ARHGAP15: variants seen among roughly 807,000 people sequenced by gnomAD.
ARHGAP15 encodes rho GTPase-activating protein 15.
Under a neutral mutation model 63.7 loss-of-function variants are expected in ARHGAP15, and 51 were observed. That is an observed-to-expected ratio of 0.80 (90% confidence interval 0.64 to 1.01). The LOEUF (loss-of-function observed/expected upper bound fraction) is 1.01, where lower values mean the gene tolerates loss of function less well. ARHGAP15 is among the 50% of genes least tolerant of loss of function. The pLI is 0.00. For missense variants in ARHGAP15, 560 were observed against 564.6 expected, an observed-to-expected ratio of 0.99 and a Z score of 0.08; for synonymous variants, 191 against 193.8, an observed-to-expected ratio of 0.99 and a Z score of 0.12.
intron 12 of ARHGAP15, among the ~76,000 whole-genome samples, chr2:143,682,501 T>C (rs1352926993): frequency 1.3e-5 from 2 of 151,884 alleles, no homozygotes; most frequent in African/African-American, 2.4e-5. Context: ...TATACACATA[T>C]GTATGTGTGT....
At chr2:143,554,830 G>C (rs1442762462) in intron 10 of ARHGAP15, among the ~76,000 whole-genome samples, 1 of 152,064 alleles carries the variant, frequency 6.6e-6, no homozygotes, top group East Asian at 1.9e-4. Flanking sequence ...AGTAGACTTA[G>C]ATTAATGGAG....
intron 6 of ARHGAP15, among the ~76,000 whole-genome samples, chr2:143,352,761 A>G (rs1685624808): frequency 6.6e-6 from 1 of 152,078 alleles, no homozygotes; most frequent in Admixed American, 6.5e-5. Flanking sequence ...AACATTTTAC[A>G]AATTATTTTG....
At chr2:143,745,869 G>A (rs1686143937) in intron 13 of ARHGAP15, among the ~76,000 whole-genome samples, 1 of 152,192 alleles carries the variant, frequency 6.6e-6, no homozygotes, top group South Asian at 2.1e-4. Flanking sequence ...GGCTAAGTGA[G>A]TGCCCAGAGT....
chr2:143,399,081 CA>C (rs200799267), intron 6 of ARHGAP15, among the ~76,000 whole-genome samples: 15 of 151,402 alleles, frequency 9.9e-5, no homozygotes, highest in African/African-American at 1.7e-4. Flanking sequence ...ATAACAGGTG[CA>C]AAAAAAATGC....
At chr2:143,175,631 A>T (rs963504403) in intron 2 of ARHGAP15, among the ~76,000 whole-genome samples, 9 of 152,164 alleles carry the variant, frequency 5.9e-5, no homozygotes, top group Admixed American at 1.3e-4. Context: ...CACCACTCTC[A>T]TTCTCAGCCA....
At chr2:143,643,380 A>G (rs1680702224) in intron 12 of ARHGAP15, among the ~76,000 whole-genome samples, 1 of 151,374 alleles carries the variant, frequency 6.6e-6, no homozygotes, top group East Asian at 2.0e-4. Context: ...GAATCTGTGT[A>G]TTTTCTGGAG....
At chr2:143,174,054 C>A (rs1327902668) in intron 2 of ARHGAP15, among the ~76,000 whole-genome samples, 4 of 152,070 alleles carry the variant, frequency 2.6e-5, no homozygotes, top group Non-Finnish European at 4.4e-5. Flanking sequence ...TTTGAGTCAA[C>A]GTCGCATTTA....
At chr2:143,177,406 C>T (rs1329852355) in intron 2 of ARHGAP15, among the ~76,000 whole-genome samples, 1 of 152,140 alleles carries the variant, frequency 6.6e-6, no homozygotes, top group Non-Finnish European at 1.5e-5. Flanking sequence ...GAAAAATAGT[C>T]CCCACTCTCA....
chr2:143,144,402 T>A (rs1689495248), intron 1 of ARHGAP15, among the ~76,000 whole-genome samples: 1 of 152,016 alleles, frequency 6.6e-6, no homozygotes. Flanking sequence ...TTATGAACTA[T>A]TTTTTAAGTG....
intron 6 of ARHGAP15, among the ~76,000 whole-genome samples, chr2:143,260,043 A>C (rs1385765738): frequency 1.3e-5 from 2 of 152,124 alleles, no homozygotes; most frequent in African/African-American, 4.8e-5. Flanking sequence ...AAATAATATA[A>C]TTTAGAATGT....
At chr2:143,186,098 G>C (rs1197528853) in intron 2 of ARHGAP15, among the ~76,000 whole-genome samples, 1 of 152,156 alleles carries the variant, frequency 6.6e-6, no homozygotes, top group Non-Finnish European at 1.5e-5. Context: ...TATTGCTGCT[G>C]AGTTGGGTGT....
chr2:143,567,155 G>T (rs558085632), intron 11 of ARHGAP15, among the ~76,000 whole-genome samples: 1 of 152,126 alleles, frequency 6.6e-6, no homozygotes, highest in Non-Finnish European at 1.5e-5. Context: ...CATTACAGGG[G>T]TGAGCCACAG....
intron 6 of ARHGAP15, among the ~76,000 whole-genome samples, chr2:143,376,511 G>A (rs1487713969): frequency 6.6e-6 from 1 of 152,062 alleles, no homozygotes; most frequent in Non-Finnish European, 1.5e-5. Context: ...TGTATATTAT[G>A]AGCTAAGAAC....
chr2:143,185,744 C>A (rs894990463), intron 2 of ARHGAP15, among the ~76,000 whole-genome samples: 3 of 152,146 alleles, frequency 2.0e-5, no homozygotes, highest in Admixed American at 6.5e-5. Flanking sequence ...CTTCATAAAC[C>A]AGGTAAAAGT....
chr2:143,259,462 C>T (rs990329305), intron 6 of ARHGAP15, among the ~76,000 whole-genome samples: 2 of 152,112 alleles, frequency 1.3e-5, no homozygotes, highest in African/African-American at 4.8e-5. Flanking sequence ...TCATTACGAG[C>T]AAATTTGTCC....
intron 10 of ARHGAP15, among the ~76,000 whole-genome samples, chr2:143,553,277 CTATT>C (rs377523258): frequency 3.3e-5 from 5 of 152,220 alleles, no homozygotes; most frequent in African/African-American, 1.2e-4. Context: ...CATTTTCACT[CTATT>C]TATGTAATTT....
intron 5 of ARHGAP15, among the ~76,000 whole-genome samples, chr2:143,239,655 G>A (rs577389161): frequency 1.3e-5 from 2 of 152,074 alleles, no homozygotes; most frequent in African/African-American, 2.4e-5. Context: ...TTTGTTTTCA[G>A]CCTGGCCCAC....
At chr2:143,705,247 C>G (rs527902295) in intron 13 of ARHGAP15, among the ~76,000 whole-genome samples, 4 of 152,126 alleles carry the variant, frequency 2.6e-5, no homozygotes, top group Non-Finnish European at 2.9e-5. Flanking sequence ...AAAAGGGGAA[C>G]TTTATCTTAA....
intron 1 of ARHGAP15, among the ~76,000 whole-genome samples, chr2:143,133,046 G>A (rs354715): frequency 0.51 from 78,152 of 151,994 alleles, 21,665 homozygotes; most frequent in Non-Finnish European, 0.62. Flanking sequence ...TTAGAGTTCA[G>A]AAATTCATCC....
Sources: allele counts gnomAD v4.1 joint callset (sites outside exome capture counted in the v4.1 genomes callset), GRCh38; gene constraint gnomAD v4.1.1; transcripts MANE v1.5; gene names NCBI Gene and HGNC (gene_info 2026-07-23, HGNC 2026-07-21).